CTNND2: variants seen among roughly 807,000 people sequenced by gnomAD.
CTNND2 encodes catenin delta 2, also known as catenin delta-2.
CTNND2 carries 22 observed loss-of-function variants against 144.4 expected under a neutral mutation model. The ratio of observed to expected loss-of-function variants is 0.15; its 90% confidence interval spans 0.11 to 0.22. The LOEUF (loss-of-function observed/expected upper bound fraction) is 0.22, where lower values mean the gene tolerates loss of function less well. Among genes scored for constraint, CTNND2 ranks in the 10% least tolerant of loss-of-function variants. The pLI is 1.00. For synonymous variants in CTNND2, 751 were observed against 695.6 expected, an observed-to-expected ratio of 1.08 and a Z score of -1.25; for missense variants, 1,353 against 1,618.8, an observed-to-expected ratio of 0.84 and a Z score of 2.82.
intron 3 of CTNND2, among the ~76,000 whole-genome samples, chr5:11,453,986 T>A (rs577607692): frequency 5.3e-5 from 8 of 152,210 alleles, no homozygotes; most frequent in Non-Finnish European, 1.2e-4. Context: ...ACATTAACAC[T>A]TTATAGGATT....
chr5:11,300,168 G>C (rs1460231403), intron 9 of CTNND2, among the ~76,000 whole-genome samples: 1 of 152,076 alleles, frequency 6.6e-6, no homozygotes, highest in East Asian at 1.9e-4. Context: ...CCCTTCCATG[G>C]GGAACGGATA....
At chr5:11,869,902 A>G (rs898517265) in intron 1 of CTNND2, among the ~76,000 whole-genome samples, 1 of 152,206 alleles carries the variant, frequency 6.6e-6, no homozygotes, top group African/African-American at 2.4e-5. Flanking sequence ...ATAAGGAAGC[A>G]AGAAATATTC....
At chr5:11,603,114 G>A (rs1389429339) in intron 2 of CTNND2, among the ~76,000 whole-genome samples, 2 of 152,034 alleles carry the variant, frequency 1.3e-5, no homozygotes, top group African/African-American at 4.8e-5. Flanking sequence ...CATCTTAACA[G>A]TAACAATCAC....
intron 2 of CTNND2, among the ~76,000 whole-genome samples, chr5:11,694,174 G>A (rs984214609): frequency 6.6e-6 from 1 of 152,168 alleles, no homozygotes; most frequent in African/African-American, 2.4e-5. Context: ...GGTGGCTCAT[G>A]CCTGTAATCC....
At chr5:11,676,272 A>C (rs1261580720) in intron 2 of CTNND2, among the ~76,000 whole-genome samples, 1 of 152,158 alleles carries the variant, frequency 6.6e-6, no homozygotes, top group African/African-American at 2.4e-5. Flanking sequence ...TTACAGCTTC[A>C]TATTGTCTCC....
At chr5:11,103,649 G>C (rs1266495225) in intron 14 of CTNND2, among the ~76,000 whole-genome samples, 2 of 151,582 alleles carry the variant, frequency 1.3e-5, no homozygotes, top group Non-Finnish European at 2.9e-5. Flanking sequence ...CAGCCTGTGT[G>C]ACAGAGCAAG....
At chr5:11,793,894 T>C (rs1387638732) in intron 1 of CTNND2, among the ~76,000 whole-genome samples, 2 of 152,258 alleles carry the variant, frequency 1.3e-5, no homozygotes, top group African/African-American at 2.4e-5. Flanking sequence ...TCCTAGATGT[T>C]ATTCCTCATG....
intron 2 of CTNND2, among the ~76,000 whole-genome samples, chr5:11,638,128 AC>A (rs1252168048): frequency 6.6e-6 from 1 of 152,154 alleles, no homozygotes; most frequent in African/African-American, 2.4e-5. Flanking sequence ...TTTCCCTGTT[AC>A]TAGCTGCCCC....
Position 11,894,829 on chromosome 5 carries a change from G to A in CTNND2, c.37+8988C>T, listed in dbSNP as rs73743312. Reference sequence around the variant, plus strand: ...GTCCCTCCAGGGTGCTGCAGTGTCTGTACCCAAAACCAACCCAAAGCAAGC... The same window carrying A: ...GTCCCTCCAGGGTGCTGCAGTGTCTATACCCAAAACCAACCCAAAGCAAGC... On this transcript the variant is annotated intron_variant, in intron 1 of 21. Coordinates refer to ENST00000304623, the MANE Select transcript of CTNND2 (RefSeq NM_001332.4). Among the ~76,000 whole-genome samples, 568 of 152,298 alleles carry A rather than the reference G, an allele frequency of 3.7e-3. 4 individuals carry two copies. The highest frequency in any genetic ancestry group is 0.013 in the African/African-American group (545 of 41,554).
intron 1 of CTNND2, among the ~76,000 whole-genome samples, chr5:11,854,284 G>C (rs1227235537): frequency 6.6e-6 from 1 of 152,104 alleles, no homozygotes; most frequent in Non-Finnish European, 1.5e-5. Context: ...CTTTTGCCTG[G>C]AATCCTTTCT....
chr5:11,034,823 T>A (rs533508896), intron 16 of CTNND2, among the ~76,000 whole-genome samples: 30 of 152,278 alleles, frequency 2.0e-4, no homozygotes, highest in Admixed American at 7.8e-4. Flanking sequence ...TTGTTTTTTT[T>A]GTTAAGCTAA....
At chr5:11,617,470 T>C (rs1780633945) in intron 2 of CTNND2, among the ~76,000 whole-genome samples, 1 of 152,254 alleles carries the variant, frequency 6.6e-6, no homozygotes, top group Admixed American at 6.5e-5. Flanking sequence ...TCATTCATCA[T>C]ATATTAACTA....
chr5:11,847,125 A>ATTTT (rs1330418677), intron 1 of CTNND2, among the ~76,000 whole-genome samples: 1 of 103,670 alleles, frequency 9.6e-6, no homozygotes, highest in Admixed American at 1.0e-4. Flanking sequence ...TATGTCAAAG[A>ATTTT]TTTTATATAT....
intron 1 of CTNND2, among the ~76,000 whole-genome samples, chr5:11,783,607 G>A (rs1351127459): frequency 6.6e-6 from 1 of 152,084 alleles, no homozygotes; most frequent in Non-Finnish European, 1.5e-5. Flanking sequence ...GGTAGTAAAT[G>A]GGAAGAGCTG....
At chr5:11,174,549 G>A (rs533659749) in intron 11 of CTNND2, among the ~76,000 whole-genome samples, 2 of 151,968 alleles carry the variant, frequency 1.3e-5, no homozygotes, top group Non-Finnish European at 2.9e-5. Context: ...ATTTGAAACT[G>A]TTTCTCTTTT....
intron 18 of CTNND2, among the ~76,000 whole-genome samples, chr5:11,001,117 C>G (rs1360743797): frequency 2.6e-5 from 4 of 152,188 alleles, no homozygotes; most frequent in South Asian, 2.1e-4. Context: ...CACCTGATCA[C>G]CCAGCATGCA....
intron 9 of CTNND2, among the ~76,000 whole-genome samples, chr5:11,323,824 G>A (rs1309932745): frequency 6.6e-6 from 1 of 152,174 alleles, no homozygotes; most frequent in Non-Finnish European, 1.5e-5. Flanking sequence ...AGCTGAGCAG[G>A]TGAGCAATAG....
At chr5:11,030,375 A>G (rs895444064) in intron 16 of CTNND2, among the ~76,000 whole-genome samples, 1 of 151,764 alleles carries the variant, frequency 6.6e-6, no homozygotes, top group African/African-American at 2.4e-5. Flanking sequence ...TGTAGTGTGT[A>G]TTTGATCTTC....
intron 15 of CTNND2, among the ~76,000 whole-genome samples, chr5:11,084,290 T>C (rs973990105): frequency 1.3e-5 from 2 of 152,312 alleles, no homozygotes; most frequent in Admixed American, 6.5e-5. Flanking sequence ...GAGGAAGCCC[T>C]TTCTCCTGGT....
Sources: allele counts gnomAD v4.1 joint callset (sites outside exome capture counted in the v4.1 genomes callset), GRCh38; gene constraint gnomAD v4.1.1; transcripts MANE v1.5; gene names NCBI Gene and HGNC (gene_info 2026-07-23, HGNC 2026-07-21).